The following ZC3HAV1 variants were observed in gnomAD, a reference collection of about 807,000 sequenced individuals.
The protein encoded by ZC3HAV1 is zinc finger CCCH-type antiviral protein 1.
Under a neutral mutation model 86.6 loss-of-function variants are expected in ZC3HAV1, and 41 were observed. That is an observed-to-expected ratio of 0.47 (90% CI 0.37 to 0.61). The LOEUF is 0.61. Ranked by LOEUF, ZC3HAV1 falls within the 20% of genes least tolerant of loss-of-function variation. The pLI is 0.00. For missense variants in ZC3HAV1, 964 were observed against 1,141.1 expected (o/e 0.84, Z 2.24); for synonymous variants, 421 against 432.1 (o/e 0.97, Z 0.32).
chr7:139,102,339 G>A (rs1032001102), intron 1 of ZC3HAV1, among the ~76,000 whole-genome samples: 3 of 151,998 alleles, frequency 2.0e-5, no homozygotes, highest in African/African-American at 4.8e-5. Flanking sequence ...TATGTTGCCC[G>A]GGCTGGTCTC....
intron 1 of ZC3HAV1, among the ~76,000 whole-genome samples, chr7:139,091,670 G>A (rs1049417140): frequency 2.6e-5 from 4 of 151,704 alleles, no homozygotes; most frequent in East Asian, 1.9e-4. Context: ...AGGCTGGAGT[G>A]CAGTGGCACA....
intron 12 of ZC3HAV1, among the ~76,000 whole-genome samples, chr7:139,051,141 T>C (rs1816110153): frequency 6.6e-6 from 1 of 150,930 alleles, no homozygotes. Context: ...CACCGCAACC[T>C]CTGCCTCCCG....
chr7:139,099,069 A>G (rs1250607082), intron 1 of ZC3HAV1, among the ~76,000 whole-genome samples: 5 of 152,206 alleles, frequency 3.3e-5, no homozygotes, highest in East Asian at 1.9e-4. Flanking sequence ...ATTTGTCACT[A>G]TTTAAGATTT....
intron 11 of ZC3HAV1, 119 bp from the exon 12 acceptor site, chr7:139,053,700 G>A (rs767205729): frequency 7.5e-6 from 10 of 1,341,336 alleles, no homozygotes; most frequent in Non-Finnish European, 9.9e-6. Flanking sequence ...TTTCACAACG[G>A]AGCTACTAAC....
intron 7 of ZC3HAV1, among the ~76,000 whole-genome samples, chr7:139,065,417 CAG>C (rs1816570244): frequency 6.6e-6 from 1 of 152,228 alleles, no homozygotes; most frequent in African/African-American, 2.4e-5. Flanking sequence ...GCACGGTTTA[CAG>C]TAGTCGTGAA....
At chr7:139,100,946 G>A (rs1449358590) in intron 1 of ZC3HAV1, among the ~76,000 whole-genome samples, 1 of 152,196 alleles carries the variant, frequency 6.6e-6, no homozygotes, top group Non-Finnish European at 1.5e-5. Flanking sequence ...CTCCCTGCCT[G>A]ATTCTCCTGC....
intron 7 of ZC3HAV1, among the ~76,000 whole-genome samples, chr7:139,070,648 A>T (rs570641262): frequency 1.5e-5 from 2 of 130,016 alleles, no homozygotes; most frequent in Admixed American, 1.8e-4. Flanking sequence ...TGGGCGACAG[A>T]GCGAGACTCC....
chr7:139,078,895 A>G (rs1817037516), intron 4 of ZC3HAV1, among the ~76,000 whole-genome samples: 1 of 152,240 alleles, frequency 6.6e-6, no homozygotes, highest in African/African-American at 2.4e-5. Flanking sequence ...CCTATTGTCA[A>G]TAAATGTGGC....
At chr7:139,106,206 C>G (rs1181214386) in intron 1 of ZC3HAV1, among the ~76,000 whole-genome samples, 1 of 152,134 alleles carries the variant, frequency 6.6e-6, no homozygotes, top group Non-Finnish European at 1.5e-5. Flanking sequence ...TTTGCTGTTT[C>G]AAACCAGGGA....
rs1417545615 is a variant in ZC3HAV1, at chr7:139,109,345, T to C, written c.-14A>G. 7 of 1,558,466 alleles carry C rather than the reference T, an allele frequency of 4.5e-6. No homozygotes were observed. Among genetic ancestry groups the C allele is most frequent in the Middle Eastern group, 4.7e-4 (2 of 4,252 alleles). On this transcript the variant is annotated 5_prime_UTR_variant, in exon 1 of 13. Transcript: ENST00000242351. The stretch of plus-strand genomic sequence containing the variant: ...CGGGTCCGCCATGGCGCGCTGGCTG[T>C]GCTGGCTCTGCCGCGGCGCGGGACT...
intron 1 of ZC3HAV1, among the ~76,000 whole-genome samples, chr7:139,098,139 G>A (rs1266648758): frequency 6.6e-6 from 1 of 151,758 alleles, no homozygotes; most frequent in Non-Finnish European, 1.5e-5. Flanking sequence ...TAGTAGAGAT[G>A]GGGTTCCACC....
At chr7:139,055,387 C>T in intron 9 of ZC3HAV1, 92 bp from the exon 10 acceptor site, 2 of 1,034,624 alleles carry the variant, frequency 1.9e-6, no homozygotes, top group Non-Finnish European at 2.9e-6. Context: ...GCCAAGGATG[C>T]CTAGAGAAAT....
At chr7:139,102,180 C>A (rs1208378012) in intron 1 of ZC3HAV1, among the ~76,000 whole-genome samples, 1 of 152,182 alleles carries the variant, frequency 6.6e-6, no homozygotes, top group Non-Finnish European at 1.5e-5. Context: ...ATTGCCCAGG[C>A]TGGAGGGCAG....
chr7:139,081,183 G>A (rs539722776), intron 3 of ZC3HAV1, among the ~76,000 whole-genome samples: 2 of 152,182 alleles, frequency 1.3e-5, no homozygotes, highest in African/African-American at 4.8e-5. Flanking sequence ...TTTGTGTGCC[G>A]GGGGTACATG....
intron 1 of ZC3HAV1, among the ~76,000 whole-genome samples, chr7:139,101,034 G>A (rs933236594): frequency 2.6e-5 from 4 of 152,142 alleles, no homozygotes; most frequent in Non-Finnish European, 4.4e-5. Flanking sequence ...TGGTGGAGAC[G>A]GGGTTTCGCT....
At chr7:139,078,484 G>A in intron 5 of ZC3HAV1, 68 bp downstream of exon 5, 3 of 1,196,594 alleles carry the variant, frequency 2.5e-6, no homozygotes, top group African/African-American at 1.6e-5. Flanking sequence ...GCACACCCAT[G>A]TTCATAGCAG....
At chr7:139,053,348 C>T (rs1426003311) in intron 12 of ZC3HAV1, 103 bp downstream of exon 12, 13 of 1,363,524 alleles carry the variant, frequency 9.5e-6, no homozygotes, top group Admixed American at 2.7e-5. Flanking sequence ...AGAGCCTGGA[C>T]ACTCTGGTTA....
At chr7:139,087,408 A>G (rs1262435871) in intron 2 of ZC3HAV1, among the ~76,000 whole-genome samples, 1 of 150,354 alleles carries the variant, frequency 6.7e-6, no homozygotes, top group Non-Finnish European at 1.5e-5. Flanking sequence ...AGACAGAGGG[A>G]CAGAGACAGA....
chr7:139,103,660 C>T (rs1362049186), intron 1 of ZC3HAV1, among the ~76,000 whole-genome samples: 1 of 152,188 alleles, frequency 6.6e-6, no homozygotes, highest in Non-Finnish European at 1.5e-5. Flanking sequence ...TAACCATGAG[C>T]ACCAGGAAAC....
Sources: gnomAD v4.1 joint callset for allele counts (sites outside exome capture counted in the v4.1 genomes callset) on GRCh38, gnomAD v4.1.1 for gene constraint, MANE v1.5 for transcripts, NCBI Gene and HGNC (gene_info 2026-07-23, HGNC 2026-07-21) for gene names.